C10orf67: variants seen among roughly 807,000 people sequenced by gnomAD.
C10orf67 encodes chromosome 10 open reading frame 67, also known as uncharacterized protein C10orf67, mitochondrial.
In C10orf67, 60 loss-of-function variants were observed where a neutral mutation model predicts 35.6. That is an observed-to-expected ratio of 1.68 (90% confidence interval 1.37 to 2.09). The LOEUF (loss-of-function observed/expected upper bound fraction) is 2.09. C10orf67 is among the 30% of genes most tolerant of loss of function. The pLI is 0.00. For missense variants in C10orf67, 474 were observed against 330.2 expected (o/e 1.44, Z -3.38); for synonymous variants, 167 against 115.8 (o/e 1.44, Z -2.84).
At chr10:23,294,723 C>A (rs1299548573) in intron 5 of C10orf67, among the ~76,000 whole-genome samples, 1 of 152,068 alleles carries the variant, frequency 6.6e-6, no homozygotes, top group Non-Finnish European at 1.5e-5. Context: ...TTGTTTATTT[C>A]ACTTTTTTTT....
chr10:23,261,820 A>T (rs149873816), intron 10 of C10orf67, among the ~76,000 whole-genome samples: 24 of 152,344 alleles, frequency 1.6e-4, no homozygotes, highest in Non-Finnish European at 3.1e-4. Flanking sequence ...AAGAATTTTA[A>T]TAGGATCAAT....
intron 4 of C10orf67, among the ~76,000 whole-genome samples, chr10:23,314,483 A>AACACACACACACAC (rs56043614): frequency 4.4e-5 from 6 of 135,836 alleles, no homozygotes; most frequent in African/African-American, 1.4e-4. Context: ...ATTAAGTTAA[A>AACACACACACACAC]ACACACACAC....
In C10orf67 at chr10:23,295,415, G is replaced by A. The variant is rs75200723; in HGVS notation, c.703-4136C>T. 3.2e-3 allele frequency among the ~76,000 whole-genome samples: 491 copies of A among 152,282 alleles called. 14 individuals are homozygous for A. In the East Asian group the frequency reaches 0.05, roughly 15 times the overall value. Reference sequence around the variant, plus strand: ...GTATAGGGAGCTGTCTTACCCAATTGGGGTGTTCTCAACAGTCCAGAGGTC... The same window carrying A: ...GTATAGGGAGCTGTCTTACCCAATTAGGGTGTTCTCAACAGTCCAGAGGTC... On this transcript the variant is annotated intron_variant, in intron 5 of 15. Coordinates refer to ENST00000636213, the MANE Select transcript of C10orf67 (RefSeq NM_001371909.1).
At chr10:23,310,206 C>T in intron 4 of C10orf67, among the ~76,000 whole-genome samples, 1 of 152,112 alleles carries the variant, frequency 6.6e-6, no homozygotes, top group East Asian at 1.9e-4. Context: ...TAACCTTAGA[C>T]AATGACAACA....
At chr10:23,283,949 C>G (rs1843448633) in intron 7 of C10orf67, among the ~76,000 whole-genome samples, 1 of 152,110 alleles carries the variant, frequency 6.6e-6, no homozygotes, top group Non-Finnish European at 1.5e-5. Context: ...ACTGTGGCAG[C>G]AGCTGGAAGA....
chr10:23,298,153 G>A (rs1843954474), intron 5 of C10orf67, among the ~76,000 whole-genome samples: 1 of 152,176 alleles, frequency 6.6e-6, no homozygotes, highest in South Asian at 2.1e-4. Flanking sequence ...TACTCGGGAG[G>A]CTGAGGCAGG....
chr10:23,226,036 A>C (rs1267693430), intron 13 of C10orf67, among the ~76,000 whole-genome samples: 1 of 152,204 alleles, frequency 6.6e-6, no homozygotes, highest in African/African-American at 2.4e-5. Flanking sequence ...TCAACGAGAC[A>C]GAAAGTTAAC....
At position 23,344,715 on chromosome 10, in the gene C10orf67, A is replaced by G. The variant is rs1364569220; in HGVS notation, c.60T>C (p.Val20=). Residue 20 remains valine, a synonymous_variant, in exon 1 of 16, where the codon GTT becomes GTC. Coordinates refer to ENST00000636213, the MANE Select transcript of C10orf67 (RefSeq NM_001371909.1). Reference sequence around the variant, plus strand: ...CCCTCAAGGAGGAGGAAAAGCAGTGAACCCATCTAATAACTATGCTCATGA... The same window carrying G: ...CCCTCAAGGAGGAGGAAAAGCAGTGGACCCATCTAATAACTATGCTCATGA... ...HYVMSIVIRW[V]HCFSSSLRGT... 2 of 1,574,052 alleles carry G rather than the reference A, an allele frequency of 1.3e-6. No individual in the cohort carries two copies. The highest frequency in any genetic ancestry group is 2.7e-5 in the African/African-American group (2 of 73,954).
At chr10:23,262,775 C>T (rs771486327) in intron 10 of C10orf67, among the ~76,000 whole-genome samples, 41 of 152,084 alleles carry the variant, frequency 2.7e-4, no homozygotes, top group Non-Finnish European at 4.6e-4. Flanking sequence ...TATCAAACTA[C>T]CCAGCATAAA....
chr10:23,287,107 C>T (rs993417223), intron 7 of C10orf67, among the ~76,000 whole-genome samples: 2 of 152,142 alleles, frequency 1.3e-5, no homozygotes, highest in African/African-American at 4.8e-5. Flanking sequence ...ACATTCTTCA[C>T]AGAATTAGTA....
At chr10:23,222,547 C>T (rs1183866466) in intron 15 of C10orf67, among the ~76,000 whole-genome samples, 1 of 152,040 alleles carries the variant, frequency 6.6e-6, no homozygotes, top group Non-Finnish European at 1.5e-5. Context: ...CTTCCTATCC[C>T]ATACTACGTT....
intron 14 of C10orf67, 34 bp downstream of exon 14, chr10:23,223,710 G>T (rs1841654099): frequency 2.8e-6 from 2 of 716,734 alleles, no homozygotes; most frequent in Middle Eastern, 2.3e-4. Context: ...TATTAACTCA[G>T]TAAATATTTA....
chr10:23,218,702 C>T (rs1296008136), intron 15 of C10orf67, among the ~76,000 whole-genome samples: 1 of 152,096 alleles, frequency 6.6e-6, no homozygotes, highest in Non-Finnish European at 1.5e-5. Flanking sequence ...CCCCGTAATA[C>T]ATTATATTTA....
At chr10:23,205,463 C>A (rs1343519476) in intron 15 of C10orf67, among the ~76,000 whole-genome samples, 4 of 152,264 alleles carry the variant, frequency 2.6e-5, no homozygotes, top group East Asian at 3.9e-4. Context: ...AATGAAATTT[C>A]TTTTTATAAA....
chr10:23,320,385 T>A (rs1844897877), intron 4 of C10orf67, among the ~76,000 whole-genome samples: 1 of 152,144 alleles, frequency 6.6e-6, no homozygotes, highest in Non-Finnish European at 1.5e-5. Context: ...GAAAAGTTAA[T>A]CCACCAAGGG....
intron 1 of C10orf67, among the ~76,000 whole-genome samples, chr10:23,335,871 A>C (rs574462355): frequency 1.3e-5 from 2 of 152,344 alleles, no homozygotes; most frequent in East Asian, 3.9e-4. Flanking sequence ...TCTGTACCTT[A>C]ACAGTACCCT....
intron 10 of C10orf67, among the ~76,000 whole-genome samples, chr10:23,251,786 G>A (rs1223107774): frequency 6.6e-6 from 1 of 151,980 alleles, no homozygotes; most frequent in East Asian, 1.9e-4. Flanking sequence ...GTCCCAATAG[G>A]TGCTGCATAG....
Position 23,287,847 on chromosome 10 carries a change from G to A in C10orf67, c.909+2053C>T, listed in dbSNP as rs150104409. On this transcript the variant is annotated intron_variant, in intron 7 of 15. Coordinates refer to ENST00000636213, the MANE Select transcript of C10orf67 (RefSeq NM_001371909.1). ...ACACTTCTCAAAAGAAGACATTTACGTGGCCAACAAACGTGAAAAAAAGCT... is the reference window on the plus strand; with the variant it reads ...ACACTTCTCAAAAGAAGACATTTACATGGCCAACAAACGTGAAAAAAAGCT... Among the ~76,000 whole-genome samples the A allele has an allele frequency of 1.3e-3, 200 of 152,244 alleles. 3 individuals are homozygous for A. In the East Asian group the frequency reaches 0.025, roughly 19 times the overall value.
chr10:23,215,181 AT>A (rs1279746394), intron 15 of C10orf67, among the ~76,000 whole-genome samples: 4 of 152,390 alleles, frequency 2.6e-5, no homozygotes, highest in Non-Finnish European at 2.9e-5. Flanking sequence ...CAATAAAAAA[AT>A]AGAACACTAA....
Sources: gnomAD v4.1 joint callset for allele counts (sites outside exome capture counted in the v4.1 genomes callset) on GRCh38, gnomAD v4.1.1 for gene constraint, MANE v1.5 for transcripts, NCBI Gene and HGNC (gene_info 2026-07-23, HGNC 2026-07-21) for gene names.